The following LRP1B variants were observed in gnomAD, a reference collection of about 807,000 sequenced individuals.
LRP1B encodes low-density lipoprotein receptor-related protein 1B.
Under a neutral mutation model 556.6 loss-of-function variants are expected in LRP1B, and 217 were observed. That is an observed-to-expected ratio of 0.39 (90% CI 0.35 to 0.44). LRP1B has a LOEUF of 0.44. Among genes scored for constraint, LRP1B ranks in the 20% least tolerant of loss-of-function variants. LRP1B has a pLI of 1.00. For missense variants in LRP1B, 5,053 were observed against 5,620.8 expected (o/e 0.90, Z 3.23); for synonymous variants, 2,047 against 1,865.8 (o/e 1.10, Z -2.50).
intron 35 of LRP1B, among the ~76,000 whole-genome samples, chr2:140,736,994 C>G (rs1302342045): frequency 6.6e-6 from 1 of 152,044 alleles, no homozygotes. Context: ...ATTGTTAAGG[C>G]CAAAAATACA....
At chr2:140,592,648 T>C (rs1333820290) in intron 43 of LRP1B, among the ~76,000 whole-genome samples, 1 of 152,056 alleles carries the variant, frequency 6.6e-6, no homozygotes, top group Non-Finnish European at 1.5e-5. Flanking sequence ...AGCGTAGATA[T>C]ATAGATAAGA....
In LRP1B at chr2:141,060,663, T is replaced by C. The variant is rs79515702; in HGVS notation, c.1236+1388A>G. On this transcript the variant is annotated intron_variant, in intron 8 of 90. Coordinates refer to ENST00000389484, the MANE Select transcript of LRP1B (RefSeq NM_018557.3). ...AAAAGCCTGCTACATAAGAGGCAAT[T>C]GGTCAAGGTAGAAAACATGTTCACC... Among the ~76,000 whole-genome samples the C allele has an allele frequency of 5.3e-3, 802 of 151,796 alleles. 8 individuals carry two copies. The highest frequency in any genetic ancestry group is 0.018 in the African/African-American group (758 of 41,480).
rs188413576 is a variant in LRP1B at position 140,876,767 on chromosome 2, A to T, written c.4169+7050T>A. 7.2e-4 allele frequency among the ~76,000 whole-genome samples: 110 copies of T among 152,304 alleles called. 1 individual carries two copies. Among genetic ancestry groups the T allele is most frequent in the African/African-American group, 2.6e-3 (110 of 41,572 alleles). ...ATCTGAGATTCCTTCTATGGAACAA[A>T]ATTCCATCAAAGCCAATTTAAAAGC... On this transcript the variant is annotated intron_variant, in intron 25 of 90. Transcript: ENST00000389484.
At chr2:141,726,336 G>T (rs897632355) in intron 2 of LRP1B, among the ~76,000 whole-genome samples, 4 of 151,240 alleles carry the variant, frequency 2.6e-5, no homozygotes, top group African/African-American at 4.8e-5. Context: ...AAATTATTTT[G>T]ATTTTCCAAA....
chr2:141,783,971 A>G (rs922512652), intron 2 of LRP1B, among the ~76,000 whole-genome samples: 1 of 151,922 alleles, frequency 6.6e-6, no homozygotes, highest in African/African-American at 2.4e-5. Context: ...AATCTCTTGA[A>G]AATTAGCTAC....
intron 23 of LRP1B, among the ~76,000 whole-genome samples, chr2:140,889,795 G>T (rs1693744684): frequency 2.6e-5 from 4 of 152,146 alleles, no homozygotes. Flanking sequence ...GCAATGATTT[G>T]GAGACTGAGG....
intron 1 of LRP1B, among the ~76,000 whole-genome samples, chr2:141,948,087 C>T (rs1574520155): frequency 6.6e-6 from 1 of 151,998 alleles, no homozygotes; most frequent in African/African-American, 2.4e-5. Context: ...TACTTGAGGT[C>T]AGGAGTTGGA....
rs201430350 is a variant in LRP1B, at chr2:140,373,085, T to C, written c.10691A>G (p.Gln3564Arg). 1.9e-6 allele frequency: 3 copies of C among 1,613,364 alleles called. No homozygotes were observed. The highest frequency in any genetic ancestry group is 2.5e-6 in the Non-Finnish European group (3 of 1,179,500). Residue 3564 changes from glutamine to arginine, a missense_variant, in exon 69 of 91, where the codon CAG becomes CGG. By Grantham distance (43) the Gln-to-Arg change is conservative. Coordinates refer to ENST00000389484, the MANE Select transcript of LRP1B (RefSeq NM_018557.3). Reference protein sequence around the residue: ...SKDQFRCSNGQCIPAKWKCDG... With the variant: ...SKDQFRCSNGRCIPAKWKCDG... ...ACATTTCCATTTTGCTGGTATACAC[T>C]GACCATTGGAACACCGGAACTGATC...
At chr2:141,715,167 A>G (rs1324173193) in intron 2 of LRP1B, among the ~76,000 whole-genome samples, 1 of 152,124 alleles carries the variant, frequency 6.6e-6, no homozygotes, top group Non-Finnish European at 1.5e-5. Context: ...CTCAAAATGA[A>G]CATTAAAGTT....
At chr2:141,373,138 A>T (rs1689294668) in intron 3 of LRP1B, among the ~76,000 whole-genome samples, 1 of 152,044 alleles carries the variant, frequency 6.6e-6, no homozygotes, top group African/African-American at 2.4e-5. Context: ...ATTTCCATGT[A>T]TTTGTATAGT....
chr2:140,345,781 TATATATACACATATATAC>T (rs1217348894), intron 77 of LRP1B, among the ~76,000 whole-genome samples: 8 of 127,690 alleles, frequency 6.3e-5, no homozygotes, highest in Non-Finnish European at 9.7e-5. Context: ...TATATATACA[TATATATACACATATATAC>T]ATATATACAC....
At chr2:140,807,865 G>A (rs1690775931) in intron 32 of LRP1B, among the ~76,000 whole-genome samples, 1 of 151,740 alleles carries the variant, frequency 6.6e-6, no homozygotes, top group South Asian at 2.1e-4. Flanking sequence ...GCCAAGGTGG[G>A]TGGATCACCT....
chr2:142,095,821 T>G (rs1251331111), intron 1 of LRP1B, among the ~76,000 whole-genome samples: 1 of 151,828 alleles, frequency 6.6e-6, no homozygotes, highest in Admixed American at 6.6e-5. Context: ...AGAAAACCCC[T>G]AGGTTTATTG....
chr2:141,718,448 T>A (rs971547275), intron 2 of LRP1B, among the ~76,000 whole-genome samples: 1 of 152,186 alleles, frequency 6.6e-6, no homozygotes, highest in South Asian at 2.1e-4. Flanking sequence ...TAAAGTCCCC[T>A]GGTCCTGGGT....
Position 141,372,633 on chromosome 2 carries a change from T to C in LRP1B, c.343+107763A>G, listed in dbSNP as rs138769694. The stretch of plus-strand genomic sequence containing the variant: ...TCAGGAGCTTGCAGTTTTCCAGGAA[T>C]TTATTTCCTCTATCTTTTCTAGTTT... On this transcript the variant is annotated intron_variant, in intron 3 of 90. Coordinates refer to ENST00000389484, the MANE Select transcript of LRP1B (RefSeq NM_018557.3). Among the ~76,000 whole-genome samples the C allele has an allele frequency of 4.1e-3, 624 of 152,216 alleles. 3 individuals carry two copies. Among genetic ancestry groups the C allele is most frequent in the African/African-American group, 0.014 (586 of 41,550 alleles).
intron 29 of LRP1B, among the ~76,000 whole-genome samples, chr2:140,844,933 G>A (rs968556156): frequency 6.6e-6 from 1 of 152,074 alleles, no homozygotes; most frequent in African/African-American, 2.4e-5. Flanking sequence ...AGAGCTTCAT[G>A]GAGTATGAAT....
intron 7 of LRP1B, among the ~76,000 whole-genome samples, chr2:141,128,076 G>A (rs1469853920): frequency 1.3e-5 from 2 of 152,136 alleles, no homozygotes; most frequent in Non-Finnish European, 2.9e-5. Context: ...AAACACCTGA[G>A]CTCAAGAGAT....
At chr2:141,182,360 A>G (rs1291295372) in intron 7 of LRP1B, among the ~76,000 whole-genome samples, 2 of 151,896 alleles carry the variant, frequency 1.3e-5, no homozygotes, top group Non-Finnish European at 2.9e-5. Flanking sequence ...TGTTGTCATT[A>G]TGTTGCATCA....
chr2:140,305,652 C>T (rs935505082), intron 83 of LRP1B, among the ~76,000 whole-genome samples: 18 of 152,190 alleles, frequency 1.2e-4, no homozygotes, highest in African/African-American at 4.3e-4. Flanking sequence ...ATTTCTTTCT[C>T]CTGCCTGATT....
Sources: allele counts gnomAD v4.1 joint callset (sites outside exome capture counted in the v4.1 genomes callset), GRCh38; gene constraint gnomAD v4.1.1; transcripts MANE v1.5; gene names NCBI Gene and HGNC (gene_info 2026-07-23, HGNC 2026-07-21).